KIT: variants seen among roughly 807,000 people sequenced by gnomAD.
KIT encodes the protein KIT proto-oncogene, receptor tyrosine kinase.
KIT carries 16 observed loss-of-function variants against 105.7 expected under a neutral mutation model. That is an observed-to-expected ratio of 0.15 (90% CI 0.10 to 0.23). The LOEUF (loss-of-function observed/expected upper bound fraction) is 0.23, where lower values mean the gene tolerates loss of function less well. KIT is among the 10% of genes least tolerant of loss of function. KIT has a pLI of 1.00. For synonymous variants in KIT, 438 were observed against 441.1 expected (o/e 0.99, Z 0.09); for missense variants, 858 against 1,213.8 (o/e 0.71, Z 4.36).
intron 2 of KIT, 178 bp downstream of exon 2, chr4:54,695,959 T>C: frequency 1.4e-6 from 1 of 709,058 alleles, no homozygotes; most frequent in South Asian, 1.8e-5. Flanking sequence ...ACATAGTGGC[T>C]TTGGGTATGG....
At position 54,739,859 on chromosome 4, in the gene KIT, C is replaced by G. The variant is rs528782307; in HGVS notation, c.*1302C>G. ...CAGAGGAAGTGGAAGGCATCAGTCC[C>G]TATGTATTTGCAGTTCACCTGCACT... On this transcript the variant is annotated 3_prime_UTR_variant, in exon 21 of 21. Coordinates refer to ENST00000288135, the MANE Select transcript of KIT (RefSeq NM_000222.3). 4.3e-6 allele frequency: 1 copy of G among 233,456 alleles called. No homozygotes were observed. The highest frequency in any genetic ancestry group is 2.2e-5 in the African/African-American group (1 of 45,424). 14.5% of individuals were successfully genotyped at this position (233,456 alleles called of 1,614,324 possible).
intron 7 of KIT, among the ~76,000 whole-genome samples, chr4:54,721,537 T>C (rs1483562609): frequency 1.3e-5 from 2 of 152,210 alleles, no homozygotes; most frequent in Admixed American, 1.3e-4. Context: ...TGAGATTGTT[T>C]TGGAGAGTTT....
intron 3 of KIT, 22 bp downstream of exon 3, chr4:54,698,587 C>T: frequency 6.2e-7 from 1 of 1,613,322 alleles, no homozygotes; most frequent in East Asian, 2.2e-5. Context: ...TTCTTATCTG[C>T]CTCTGGGAGT....
chr4:54,695,491 C>G, intron 1 of KIT, 21 bp from the exon 2 acceptor site: 5 of 1,613,716 alleles, frequency 3.1e-6, no homozygotes, highest in Non-Finnish European at 4.2e-6. Context: ...ATACTCAACA[C>G]GATTCTGTTT....
intron 16 of KIT, 52 bp downstream of exon 16, chr4:54,732,050 T>A (rs746655558): frequency 1.4e-6 from 2 of 1,406,466 alleles, no homozygotes; most frequent in Non-Finnish European, 1.9e-6. Context: ...TTTTGATTTT[T>A]TTTTTTTTTT....
rs146990160 is a variant in KIT at position 54,659,601 on chromosome 4, C to G, written c.67+1520C>G. 2.0e-5 allele frequency among the ~76,000 whole-genome samples: 3 copies of G among 152,118 alleles called. 1 individual carries two copies. Among genetic ancestry groups the G allele is most frequent in the African/African-American group, 7.2e-5 (3 of 41,508 alleles). Reference sequence around the variant, plus strand: ...GGCTTTCCTGTGGGGGGCAGAGAGGCCTTGCATCTGGACCCCTGTGCAGCA... The same window carrying G: ...GGCTTTCCTGTGGGGGGCAGAGAGGGCTTGCATCTGGACCCCTGTGCAGCA... On this transcript the variant is annotated intron_variant, in intron 1 of 20. Coordinates refer to ENST00000288135, the MANE Select transcript of KIT (RefSeq NM_000222.3).
At chr4:54,738,317 C>T (rs988807682) in intron 20 of KIT, 112 bp from the exon 21 acceptor site, 2 of 1,314,252 alleles carry the variant, frequency 1.5e-6, no homozygotes, top group Non-Finnish European at 2.2e-6. Context: ...GAAACCACTT[C>T]TCTCTTAAGA....
At chr4:54,701,255 G>A (rs1402232866) in intron 4 of KIT, among the ~76,000 whole-genome samples, 3 of 152,174 alleles carry the variant, frequency 2.0e-5, no homozygotes, top group Non-Finnish European at 4.4e-5. Flanking sequence ...CAAATCACGT[G>A]CAAACAATAT....
At chr4:54,696,070 T>C (rs895024894) in intron 2 of KIT, among the ~76,000 whole-genome samples, 5 of 152,030 alleles carry the variant, frequency 3.3e-5, no homozygotes, top group Admixed American at 1.3e-4. Context: ...TGAGAATCAA[T>C]TAGGCCCTTT....
Position 54,725,899 on chromosome 4 carries a change from C to T in KIT, c.1389C>T (p.Asn463=), listed in dbSNP as rs2109768441. The change falls in exon 9 of 21, where the codon AAC becomes AAT. Residue 463 remains asparagine (N), a synonymous_variant. Transcript: ENST00000288135. The stretch of plus-strand genomic sequence containing the variant: ...TGCCAGTGGATGTGCAGACACTAAA[C>T]TCATCTGGGCCACCGTTTGGAAAGC... ...SVLPVDVQTL[N]SSGPPFGKLV... 6.2e-7 allele frequency: 1 copy of T among 1,614,148 alleles called. No homozygotes were observed. Among genetic ancestry groups the T allele is most frequent in the Non-Finnish European group, 8.5e-7 (1 of 1,180,016 alleles).
intron 1 of KIT, among the ~76,000 whole-genome samples, chr4:54,679,131 T>C (rs1447759374): frequency 2.0e-5 from 3 of 152,218 alleles, no homozygotes; most frequent in Non-Finnish European, 4.4e-5. Flanking sequence ...TTGTGAGCCC[T>C]TTAAATTAAA....
At chr4:54,670,911 T>C (rs79565467) in intron 1 of KIT, among the ~76,000 whole-genome samples, 1 of 152,274 alleles carries the variant, frequency 6.6e-6, no homozygotes, top group Non-Finnish European at 1.5e-5. Flanking sequence ...TGTTCATTCA[T>C]CAAACCTAAA....
chr4:54,671,990 A>G (rs1718141481), intron 1 of KIT, among the ~76,000 whole-genome samples: 1 of 152,184 alleles, frequency 6.6e-6, no homozygotes, highest in African/African-American at 2.4e-5. Context: ...GATGATGCCA[A>G]TGTCAAACCC....
At chr4:54,676,439 T>A (rs1718473066) in intron 1 of KIT, among the ~76,000 whole-genome samples, 1 of 152,224 alleles carries the variant, frequency 6.6e-6, no homozygotes, top group Non-Finnish European at 1.5e-5. Context: ...ATTCTCTTAA[T>A]GTCAGAACGT....
At chr4:54,706,378 T>C (rs1426936910) in intron 5 of KIT, among the ~76,000 whole-genome samples, 7 of 152,148 alleles carry the variant, frequency 4.6e-5, no homozygotes. Flanking sequence ...AGTGATGTCT[T>C]ATTTTAATTA....
At chr4:54,717,429 T>C (rs1330983317) in intron 7 of KIT, among the ~76,000 whole-genome samples, 3 of 152,172 alleles carry the variant, frequency 2.0e-5, no homozygotes, top group African/African-American at 7.2e-5. Flanking sequence ...TCTGGATCCA[T>C]AGCCCTTGGT....
chr4:54,736,484 T>C lies in KIT; in HGVS notation c.2485-14T>C, dbSNP rs1393779319. On this transcript the variant is annotated splice_polypyrimidine_tract_variant and intron_variant, in intron 17 of 20. Coordinates refer to ENST00000288135, the MANE Select transcript of KIT (RefSeq NM_000222.3). ...TGAATTAACATTATTGACTCTGTTG[T>C]GCTTCTATTACAGGCTCGACTACCT... The C allele has an allele frequency of 1.3e-6, 2 of 1,553,098 alleles. No homozygotes were observed. Among genetic ancestry groups the C allele is most frequent in the Admixed American group, 3.3e-5 (2 of 59,954 alleles).
Position 54,700,003 on chromosome 4 carries a change from A to G in KIT, c.756+237A>G, listed in dbSNP as rs577040239. Among the ~76,000 whole-genome samples the G allele has an allele frequency of 2.0e-5, 3 of 152,306 alleles. No individual in the cohort carries two copies. In the East Asian group the frequency reaches 5.8e-4, roughly 29 times the overall value. On this transcript the variant is annotated intron_variant, in intron 4 of 20. Coordinates refer to ENST00000288135, the MANE Select transcript of KIT (RefSeq NM_000222.3). The stretch of plus-strand genomic sequence containing the variant: ...ATACATTTATTTTGAGAAACTTGAG[A>G]GAACTTCAGATTCATGTTATTACTT...
intron 1 of KIT, among the ~76,000 whole-genome samples, chr4:54,681,245 C>T (rs1324740728): frequency 6.9e-6 from 1 of 144,150 alleles, no homozygotes; most frequent in Non-Finnish European, 1.5e-5. Flanking sequence ...GAAATCAAAA[C>T]ACAGAAATCT....
Sources: allele counts gnomAD v4.1 joint callset (sites outside exome capture counted in the v4.1 genomes callset), GRCh38; gene constraint gnomAD v4.1.1; transcripts MANE v1.5; gene names NCBI Gene and HGNC (gene_info 2026-07-23, HGNC 2026-07-21).